Variants in CGNL1 observed in about 807,000 individuals in gnomAD.
CGNL1 encodes the protein cingulin like 1.
Under a neutral mutation model 141.2 loss-of-function variants are expected in CGNL1, and 132 were observed. The observed-to-expected ratio is 0.93, with a 90% CI of 0.81 to 1.08. The LOEUF is 1.08. CGNL1 is among the 50% of genes least tolerant of loss of function. The pLI is 0.00. For synonymous variants in CGNL1, 690 were observed against 622.1 expected, an observed-to-expected ratio of 1.11 and a Z score of -1.63; for missense variants, 1,870 against 1,588.6, an observed-to-expected ratio of 1.18 and a Z score of -3.01.
At chr15:57,381,422 G>A (rs1164967354) in intron 1 of CGNL1, among the ~76,000 whole-genome samples, 1 of 152,140 alleles carries the variant, frequency 6.6e-6, no homozygotes, top group African/African-American at 2.4e-5. Flanking sequence ...TTAGCCTGGT[G>A]TGGTGGTGCG....
chr15:57,401,980 C>T (rs1271646625), intron 1 of CGNL1: 2 of 152,154 alleles, frequency 1.3e-5, no homozygotes, highest in African/African-American at 4.8e-5. Flanking sequence ...TGTCCTTCTA[C>T]ATACTGCTTG....
At chr15:57,461,491 T>C (rs1462371306) in intron 7 of CGNL1, among the ~76,000 whole-genome samples, 189 bp from the exon 8 acceptor site, 5 of 152,096 alleles carry the variant, frequency 3.3e-5, no homozygotes, top group Non-Finnish European at 7.3e-5. Flanking sequence ...TCCAAGGGAA[T>C]GATGGCCTCT....
chr15:57,511,873 G>A (rs16977555), intron 8 of CGNL1, among the ~76,000 whole-genome samples: 5,181 of 152,316 alleles, frequency 0.034, 311 homozygotes, highest in African/African-American at 0.12. Context: ...AAGACATCAC[G>A]TAGGTGGTAA....
At chr15:57,538,472 T>C (rs552082343) in intron 14 of CGNL1, among the ~76,000 whole-genome samples, 2 of 151,762 alleles carry the variant, frequency 1.3e-5, no homozygotes, top group Admixed American at 6.6e-5. Context: ...ATTCCTTTTT[T>C]TGCCCCCCTT....
At chr15:57,467,848 C>T (rs1277643085) in intron 8 of CGNL1, among the ~76,000 whole-genome samples, 1 of 151,992 alleles carries the variant, frequency 6.6e-6, no homozygotes, top group Non-Finnish European at 1.5e-5. Context: ...TGCCACCACA[C>T]CCCGCTGATT....
At chr15:57,376,633 G>C (rs1279452860) in intron 1 of CGNL1, 66 bp downstream of exon 1, 1 of 152,188 alleles carries the variant, frequency 6.6e-6, no homozygotes, top group East Asian at 1.9e-4. Flanking sequence ...GGGTGCTAGG[G>C]GCCGCCCAGG....
At chr15:57,417,754 C>G (rs2062865504) in intron 1 of CGNL1, among the ~76,000 whole-genome samples, 1 of 152,076 alleles carries the variant, frequency 6.6e-6, no homozygotes, top group African/African-American at 2.4e-5. Context: ...AGCCCCTGTT[C>G]TCATGGATGT....
rs79692225 is a variant in CGNL1 at position 57,454,589 on chromosome 15, C to G, written c.2190+771C>G. Among the ~76,000 whole-genome samples the G allele has an allele frequency of 2.7e-3, 408 of 152,318 alleles. 4 individuals carry two copies. Among genetic ancestry groups the G allele is most frequent in the East Asian group, 0.026 (134 of 5,170 alleles). On this transcript the variant is annotated intron_variant, in intron 7 of 18. Coordinates refer to ENST00000281282, the MANE Select transcript of CGNL1 (RefSeq NM_032866.5). ...CTGGCAGGAGCTCAGAGATGAGTGACTCTGGTCACCCAGCCCAGGAGTTCT... is the reference window on the plus strand; with the variant it reads ...CTGGCAGGAGCTCAGAGATGAGTGAGTCTGGTCACCCAGCCCAGGAGTTCT...
chr15:57,416,505 C>T (rs1418370533), intron 1 of CGNL1, among the ~76,000 whole-genome samples: 2 of 152,164 alleles, frequency 1.3e-5, no homozygotes, highest in African/African-American at 4.8e-5. Flanking sequence ...TCTATCCCTG[C>T]TGTTAAGATA....
chr15:57,426,250 T>TTC (rs1190566028), intron 1 of CGNL1, among the ~76,000 whole-genome samples: 1 of 152,162 alleles, frequency 6.6e-6, no homozygotes, highest in Non-Finnish European at 1.5e-5. Flanking sequence ...GTTCAAGGGA[T>TTC]TCTCCTGCCT....
intron 4 of CGNL1, among the ~76,000 whole-genome samples, chr15:57,443,978 A>AT (rs1165076306): frequency 6.6e-6 from 1 of 152,174 alleles, no homozygotes; most frequent in East Asian, 1.9e-4. Context: ...TATAAAGTAA[A>AT]TTACACAAAT....
At chr15:57,411,982 T>A (rs753084469) in intron 1 of CGNL1, among the ~76,000 whole-genome samples, 6 of 152,238 alleles carry the variant, frequency 3.9e-5, no homozygotes, top group Non-Finnish European at 8.8e-5. Flanking sequence ...TTGCTGTCGA[T>A]TATCTAGCAT....
At chr15:57,526,077 A>G (rs144633278) in intron 12 of CGNL1, among the ~76,000 whole-genome samples, 80 of 152,270 alleles carry the variant, frequency 5.3e-4, no homozygotes, top group African/African-American at 1.8e-3. Context: ...GTTGGAAAGA[A>G]ACATAGAGAT....
chr15:57,530,272 C>G (rs1342834811), intron 13 of CGNL1, among the ~76,000 whole-genome samples: 2 of 152,244 alleles, frequency 1.3e-5, no homozygotes, highest in Admixed American at 1.3e-4. Flanking sequence ...TTTCCTTTGG[C>G]CGACTTAGGT....
chr15:57,424,585 C>T (rs2062952890), intron 1 of CGNL1, among the ~76,000 whole-genome samples: 1 of 152,156 alleles, frequency 6.6e-6, no homozygotes, highest in African/African-American at 2.4e-5. Context: ...TACTACCACG[C>T]CATTCCAGTG....
chr15:57,442,473 A>G lies in CGNL1; in HGVS notation c.1798A>G (p.Asn600Asp), dbSNP rs1483839422. 6.3e-7 allele frequency: 1 copy of G among 1,598,340 alleles called. No homozygotes were observed. The highest frequency in any genetic ancestry group is 1.1e-5 in the South Asian group (1 of 90,630). ...AGCAGCTGGGAGCGCCCAAGGAAAT[A>G]ACCAAGTAAATGGAAGTTTTGTATT... ...SRAAGSAQGN[N>D]QACNSTSEVK... Residue 600 changes from asparagine (N) to aspartate (D), a missense_variant, in exon 4 of 19, where the codon AAC becomes GAC. Transcript: ENST00000281282.
At chr15:57,456,475 T>C (rs1182787331) in intron 7 of CGNL1, among the ~76,000 whole-genome samples, 1 of 147,888 alleles carries the variant, frequency 6.8e-6, no homozygotes, top group Non-Finnish European at 1.5e-5. Flanking sequence ...TCTTCTCTAA[T>C]AAACTGGCTT....
At chr15:57,400,149 A>G (rs1198080580) in intron 1 of CGNL1, among the ~76,000 whole-genome samples, 4 of 152,026 alleles carry the variant, frequency 2.6e-5, no homozygotes, top group Non-Finnish European at 5.9e-5. Flanking sequence ...GTGCACCATC[A>G]TGCCTAGCCA....
At chr15:57,508,542 T>C (rs1319201904) in intron 8 of CGNL1, among the ~76,000 whole-genome samples, 5 of 152,348 alleles carry the variant, frequency 3.3e-5, no homozygotes, top group Middle Eastern at 3.4e-3. Context: ...AGGATGTGAA[T>C]TGAACTCAGA....
Sources: gnomAD v4.1 joint callset for allele counts (sites outside exome capture counted in the v4.1 genomes callset) on GRCh38, gnomAD v4.1.1 for gene constraint, MANE v1.5 for transcripts, NCBI Gene and HGNC (gene_info 2026-07-23, HGNC 2026-07-21) for gene names.